The following MGAT4C variants were observed in gnomAD, a reference collection of about 807,000 sequenced individuals.
MGAT4C encodes the protein alpha-1,3-mannosyl-glycoprotein 4-beta-N-acetylglucosaminyltransferase C.
A neutral mutation model predicts 40.1 loss-of-function variants in MGAT4C; 19 were observed. The observed-to-expected ratio is 0.47, with a 90% confidence interval of 0.33 to 0.70. The LOEUF (loss-of-function observed/expected upper bound fraction) is 0.70. MGAT4C is among the 30% of genes least tolerant of loss of function. The pLI, the probability that MGAT4C is intolerant of heterozygous loss-of-function variation, is 0.02. For missense variants in MGAT4C, 491 were observed against 563.2 expected, an observed-to-expected ratio of 0.87 and a Z score of 1.30; for synonymous variants, 181 against 187.1, an observed-to-expected ratio of 0.97 and a Z score of 0.27.
intron 2 of MGAT4C, among the ~76,000 whole-genome samples, chr12:86,025,002 G>A (rs1039334170): frequency 2.7e-5 from 4 of 150,818 alleles, no homozygotes; most frequent in Non-Finnish European, 5.9e-5. Flanking sequence ...GCTTAACTTC[G>A]GATGAAACCA....
At chr12:86,148,726 C>T (rs537987390) in intron 1 of MGAT4C, among the ~76,000 whole-genome samples, 1 of 152,176 alleles carries the variant, frequency 6.6e-6, no homozygotes, top group East Asian at 1.9e-4. Context: ...AACACTTTAC[C>T]ATTATATGGA....
chr12:86,386,230 T>G (rs529518265), intron 3 of MGAT4C, among the ~76,000 whole-genome samples: 1 of 152,256 alleles, frequency 6.6e-6, no homozygotes, highest in East Asian at 1.9e-4. Flanking sequence ...TAATTATTTT[T>G]GAGATTCAAC....
intron 2 of MGAT4C, among the ~76,000 whole-genome samples, chr12:86,496,775 C>T (rs947723559): frequency 6.6e-6 from 1 of 151,858 alleles, no homozygotes; most frequent in Non-Finnish European, 1.5e-5. Flanking sequence ...CACCATTCAG[C>T]CTTTTATAAA....
chr12:86,499,322 A>G (rs937240862), intron 2 of MGAT4C, among the ~76,000 whole-genome samples: 13 of 151,576 alleles, frequency 8.6e-5, no homozygotes, highest in African/African-American at 3.1e-4. Flanking sequence ...TATATATACA[A>G]TATATATACA....
At chr12:86,496,330 T>G (rs1958233934) in intron 2 of MGAT4C, among the ~76,000 whole-genome samples, 1 of 152,036 alleles carries the variant, frequency 6.6e-6, no homozygotes, top group Non-Finnish European at 1.5e-5. Context: ...CTAATAGTTG[T>G]ACCCTAGTAC....
Position 86,074,746 on chromosome 12 carries a change from T to C in MGAT4C, c.-56-25023A>G, listed in dbSNP as rs138410022. ...ATCATTACACAAGGTGAAAGGCACG[T>C]CCTACATGGTCTCAAAGAAGAGAGA... On this transcript the variant is annotated intron_variant, in intron 1 of 4. Coordinates refer to ENST00000611864, the MANE Select transcript of MGAT4C (RefSeq NM_001351288.2). Among the ~76,000 whole-genome samples the C allele has an allele frequency of 2.1e-3, 324 of 152,254 alleles. 11 individuals are homozygous for C. In the East Asian group the frequency reaches 0.036, roughly 17 times the overall value.
intron 2 of MGAT4C, among the ~76,000 whole-genome samples, chr12:86,724,485 A>G (rs1196063592): frequency 6.6e-6 from 1 of 152,156 alleles, no homozygotes; most frequent in Non-Finnish European, 1.5e-5. Flanking sequence ...CCTCTGGCCT[A>G]CCATATTATA....
At chr12:86,255,923 A>G (rs985081948) in intron 1 of MGAT4C, among the ~76,000 whole-genome samples, 1 of 152,176 alleles carries the variant, frequency 6.6e-6, no homozygotes, top group Non-Finnish European at 1.5e-5. Context: ...ATGATGCAGA[A>G]TGATATACAT....
chr12:86,452,391 C>T (rs1957439192), intron 2 of MGAT4C, among the ~76,000 whole-genome samples: 1 of 151,084 alleles, frequency 6.6e-6, no homozygotes, highest in Admixed American at 6.6e-5. Context: ...TGTGATGTTC[C>T]CCTTTAACTA....
chr12:86,007,369 T>C (rs1478845717), intron 2 of MGAT4C, among the ~76,000 whole-genome samples: 1 of 152,116 alleles, frequency 6.6e-6, no homozygotes, highest in Non-Finnish European at 1.5e-5. Flanking sequence ...GTTAGAATAA[T>C]TTATATGTGA....
At chr12:86,515,000 T>A (rs1383184935) in intron 2 of MGAT4C, among the ~76,000 whole-genome samples, 2 of 152,186 alleles carry the variant, frequency 1.3e-5, no homozygotes, top group African/African-American at 4.8e-5. Context: ...AGAGAATATA[T>A]TATTAGCAAA....
chr12:86,784,061 C>T (rs1951891184), intron 1 of MGAT4C, among the ~76,000 whole-genome samples: 1 of 152,166 alleles, frequency 6.6e-6, no homozygotes, highest in Non-Finnish European at 1.5e-5. Context: ...GCCATGACTC[C>T]ACCTCCACCT....
intron 3 of MGAT4C, among the ~76,000 whole-genome samples, chr12:86,408,672 G>A (rs899467474): frequency 2.6e-5 from 4 of 151,290 alleles, no homozygotes; most frequent in South Asian, 2.1e-4. Flanking sequence ...TTTTTGGTAG[G>A]AAGGGACATA....
chr12:86,402,720 G>A (rs560923124), intron 3 of MGAT4C, among the ~76,000 whole-genome samples: 1 of 152,082 alleles, frequency 6.6e-6, no homozygotes, highest in South Asian at 2.1e-4. Context: ...AGTAGGCACT[G>A]GATTTATATA....
chr12:86,653,383 C>A (rs879360527), intron 2 of MGAT4C, among the ~76,000 whole-genome samples: 7 of 151,722 alleles, frequency 4.6e-5, no homozygotes, highest in Non-Finnish European at 8.8e-5. Context: ...CATTCCACAA[C>A]CAGTAGAAAG....
intron 3 of MGAT4C, among the ~76,000 whole-genome samples, chr12:86,385,287 A>C (rs1214483208): frequency 6.6e-6 from 1 of 152,214 alleles, no homozygotes; most frequent in Non-Finnish European, 1.5e-5. Context: ...ATATCATTTC[A>C]TCTGGGCCTT....
intron 2 of MGAT4C, among the ~76,000 whole-genome samples, chr12:86,510,503 A>G (rs1958555832): frequency 6.6e-6 from 1 of 152,186 alleles, no homozygotes; most frequent in South Asian, 2.1e-4. Context: ...TTAACCTTAA[A>G]TGTAAATGGG....
intron 1 of MGAT4C, among the ~76,000 whole-genome samples, chr12:86,065,097 A>G (rs1894403944): frequency 6.6e-6 from 1 of 152,202 alleles, no homozygotes; most frequent in East Asian, 1.9e-4. Context: ...AAAGCCCACG[A>G]CCAGACAGAT....
At chr12:86,749,004 C>A (rs1486886337) in intron 1 of MGAT4C, among the ~76,000 whole-genome samples, 1 of 142,462 alleles carries the variant, frequency 7.0e-6, no homozygotes, top group Non-Finnish European at 1.5e-5. Flanking sequence ...ACATTGTTTT[C>A]TTTTTGTCTA....
Sources: allele counts gnomAD v4.1 joint callset (sites outside exome capture counted in the v4.1 genomes callset), GRCh38; gene constraint gnomAD v4.1.1; transcripts MANE v1.5; gene names NCBI Gene and HGNC (gene_info 2026-07-23, HGNC 2026-07-21).